ARID5B: variants seen among roughly 807,000 people sequenced by gnomAD.
ARID5B encodes the protein AT-rich interactive domain-containing protein 5B.
In ARID5B, 13 loss-of-function variants were observed where a neutral mutation model predicts 97.2. The ratio of observed to expected loss-of-function variants is 0.13; its 90% CI spans 0.09 to 0.21. The LOEUF (loss-of-function observed/expected upper bound fraction) is 0.21, where lower values mean the gene tolerates loss of function less well. ARID5B is among the 10% of genes least tolerant of loss of function. The probability of loss-of-function intolerance (pLI) is 1.00; values close to 1 mark genes in which losing one functional copy is unlikely to be tolerated. For missense variants in ARID5B, 1,210 were observed against 1,465.3 expected (o/e 0.83, Z 2.84); for synonymous variants, 556 against 570.3 (o/e 0.97, Z 0.36).
At chr10:62,003,352 G>T (rs1333772006) in intron 4 of ARID5B, among the ~76,000 whole-genome samples, 4 of 152,306 alleles carry the variant, frequency 2.6e-5, no homozygotes, top group South Asian at 2.1e-4. Flanking sequence ...GAGGTGGATA[G>T]AGATGGAAAT....
chr10:62,011,316 C>A (rs1317331198), intron 4 of ARID5B, among the ~76,000 whole-genome samples: 2 of 152,126 alleles, frequency 1.3e-5, no homozygotes, highest in Non-Finnish European at 1.5e-5. Flanking sequence ...CAGGACATAC[C>A]CCTTCAGAAA....
At chr10:61,930,273 C>T (rs114618320) in intron 2 of ARID5B, among the ~76,000 whole-genome samples, 2,516 of 152,316 alleles carry the variant, frequency 0.017, 82 homozygotes, top group African/African-American at 0.058. Context: ...CCAAGGGTCT[C>T]TTGCATATGT....
intron 3 of ARID5B, among the ~76,000 whole-genome samples, chr10:61,985,674 ATC>A (rs1449906725): frequency 6.6e-6 from 1 of 152,058 alleles, no homozygotes; most frequent in Non-Finnish European, 1.5e-5. Context: ...ATGTAATCGT[ATC>A]ATTTTTAATC....
chr10:61,997,628 C>T (rs1564623545), intron 3 of ARID5B, among the ~76,000 whole-genome samples: 1 of 152,154 alleles, frequency 6.6e-6, no homozygotes, highest in Non-Finnish European at 1.5e-5. Flanking sequence ...CAGGTATTTA[C>T]AGGCACAGTA....
chr10:62,059,384 AC>A (rs1240073204), intron 7 of ARID5B, 89 bp downstream of exon 7: 30 of 1,047,780 alleles, frequency 2.9e-5, no homozygotes, highest in Non-Finnish European at 3.9e-5. Flanking sequence ...CAAGGGCAAA[AC>A]ATCACTGACT....
intron 3 of ARID5B, among the ~76,000 whole-genome samples, chr10:61,982,479 A>G (rs1224611911): frequency 6.6e-6 from 1 of 152,088 alleles, no homozygotes; most frequent in African/African-American, 2.4e-5. Context: ...TACAACAAGG[A>G]TGTATTTATA....
At chr10:61,947,642 A>C (rs1232810523) in intron 3 of ARID5B, among the ~76,000 whole-genome samples, 1 of 152,216 alleles carries the variant, frequency 6.6e-6, no homozygotes, top group Non-Finnish European at 1.5e-5. Context: ...ATTTCATTTG[A>C]AATTTAAATT....
intron 8 of ARID5B, among the ~76,000 whole-genome samples, chr10:62,084,859 C>G (rs1282438246): frequency 6.6e-5 from 10 of 152,172 alleles, no homozygotes. Context: ...CTTGCATAGT[C>G]TGTCTGCCTT....
At chr10:61,970,819 T>G (rs1475654874) in intron 3 of ARID5B, among the ~76,000 whole-genome samples, 1 of 152,198 alleles carries the variant, frequency 6.6e-6, no homozygotes, top group Non-Finnish European at 1.5e-5. Context: ...TCCCAAGATA[T>G]GAAATACTAA....
chr10:61,948,481 C>T (rs1304378418), intron 3 of ARID5B, among the ~76,000 whole-genome samples: 1 of 138,450 alleles, frequency 7.2e-6, no homozygotes, highest in Non-Finnish European at 1.5e-5. Context: ...ATTTCCCTGC[C>T]TCAGCCTCCC....
At chr10:61,985,209 T>A (rs1838830568) in intron 3 of ARID5B, among the ~76,000 whole-genome samples, 1 of 151,782 alleles carries the variant, frequency 6.6e-6, no homozygotes, top group Non-Finnish European at 1.5e-5. Flanking sequence ...AACACTTACT[T>A]GTATTAGGTT....
intron 4 of ARID5B, among the ~76,000 whole-genome samples, chr10:62,002,296 G>C (rs977792063): frequency 1.3e-5 from 2 of 152,136 alleles, no homozygotes; most frequent in African/African-American, 4.8e-5. Flanking sequence ...ACAAAAACAA[G>C]CATCTGACTT....
intron 2 of ARID5B, 24 bp downstream of exon 2, chr10:61,902,437 C>T (rs200792746): frequency 4.6e-4 from 742 of 1,607,440 alleles, no homozygotes; most frequent in Non-Finnish European, 6.1e-4. Context: ...CTGTCCCCCT[C>T]TTCTTTCTTT....
chr10:62,021,624 C>T (rs1839357045), intron 4 of ARID5B, among the ~76,000 whole-genome samples: 1 of 152,200 alleles, frequency 6.6e-6, no homozygotes, highest in African/African-American at 2.4e-5. Context: ...AATGTGTGAA[C>T]CAGAAACATC....
At chr10:61,984,374 T>A in intron 3 of ARID5B, among the ~76,000 whole-genome samples, 1 of 152,244 alleles carries the variant, frequency 6.6e-6, no homozygotes, top group East Asian at 1.9e-4. Context: ...GCTGACTGCA[T>A]GAGGAAAGCA....
At chr10:61,948,525 T>G (rs1244074367) in intron 3 of ARID5B, among the ~76,000 whole-genome samples, 1 of 151,662 alleles carries the variant, frequency 6.6e-6, no homozygotes, top group Non-Finnish European at 1.5e-5. Context: ...CGCCACCACA[T>G]CCGGCTAATT....
At chr10:62,064,720 C>T (rs1206153472) in intron 7 of ARID5B, among the ~76,000 whole-genome samples, 5 of 151,888 alleles carry the variant, frequency 3.3e-5, no homozygotes, top group African/African-American at 9.7e-5. Context: ...ACCTTTAAAA[C>T]GCTACCTGGG....
intron 2 of ARID5B, 104 bp from the exon 3 acceptor site, chr10:61,940,079 T>C: frequency 2.9e-6 from 3 of 1,018,896 alleles, no homozygotes; most frequent in Non-Finnish European, 4.5e-6. Flanking sequence ...TTGCATTAGG[T>C]TAAACCACTC....
chr10:62,055,662 G>C (rs77466756), intron 5 of ARID5B, among the ~76,000 whole-genome samples: 1 of 152,134 alleles, frequency 6.6e-6, no homozygotes, highest in Non-Finnish European at 1.5e-5. Context: ...AATTGTTTTA[G>C]TCCCATTTCC....
Sources: gnomAD v4.1 joint callset for allele counts (sites outside exome capture counted in the v4.1 genomes callset) on GRCh38, gnomAD v4.1.1 for gene constraint, MANE v1.5 for transcripts, NCBI Gene and HGNC (gene_info 2026-07-23, HGNC 2026-07-21) for gene names.